NSG1: variants seen among roughly 807,000 people sequenced by gnomAD.
NSG1 encodes neuronal vesicle trafficking associated 1.
A neutral mutation model predicts 19.3 loss-of-function variants in NSG1; 9 were observed. That is an observed-to-expected ratio of 0.47 (90% CI 0.28 to 0.81). The LOEUF (loss-of-function observed/expected upper bound fraction) is 0.81, where lower values mean the gene tolerates loss of function less well. Among genes scored for constraint, NSG1 ranks in the 40% least tolerant of loss-of-function variants. NSG1 has a pLI of 0.11. For synonymous variants in NSG1, 104 were observed against 107.0 expected, an observed-to-expected ratio of 0.97 and a Z score of 0.17; for missense variants, 236 against 242.4, an observed-to-expected ratio of 0.97 and a Z score of 0.18.
At chr4:4,401,681 C>T (rs1230510659) in intron 3 of NSG1, among the ~76,000 whole-genome samples, 4 of 152,164 alleles carry the variant, frequency 2.6e-5, no homozygotes, top group African/African-American at 4.8e-5. Context: ...TGCTCAACCA[C>T]GTCAAAGCAC....
At chr4:4,395,516 T>C (rs1187230143) in intron 3 of NSG1, among the ~76,000 whole-genome samples, 2 of 152,168 alleles carry the variant, frequency 1.3e-5, no homozygotes. Flanking sequence ...TGTGTGAAGC[T>C]GCAGCTGGTT....
upstream of NSG1, chr4:4,387,082 CCG>C (rs1206072095): frequency 6.6e-6 from 1 of 151,842 alleles, no homozygotes; most frequent in African/African-American, 2.4e-5. Context: ...CTTCCCGGGT[CCG>C]CGCGCGGCGC....
At chr4:4,391,830 G>A (rs4689423) in intron 3 of NSG1, among the ~76,000 whole-genome samples, 100,664 of 152,124 alleles carry the variant, frequency 0.66, 33,599 homozygotes, top group Admixed American at 0.73. Flanking sequence ...TATAACAGGG[G>A]AAACCCACCC....
Position 4,387,714 on chromosome 4 carries a change from A to T in NSG1, c.85A>T (p.Thr29Ser). 1 of 1,613,096 alleles carries T rather than the reference A, an allele frequency of 6.2e-7. No homozygotes were observed. Among genetic ancestry groups the T allele is most frequent in the African/African-American group, 1.3e-5 (1 of 74,976 alleles). Residue 29 changes from threonine to serine, a missense_variant, in exon 2 of 5, where the codon ACG (threonine) becomes TCG (serine). Transcript: ENST00000621129. The stretch of plus-strand genomic sequence containing the variant: ...TGGCTTCGACACCATTCCCCTGATG[A>T]CGCCCCTCGATGTCAATCAGCTGCA... ...EDGFDTIPLM[T>S]PLDVNQLQFP... is the part of the protein sequence containing the mutation.
chr4:4,387,547 C>T, intron 1 of NSG1, 57 bp from the exon 2 acceptor site: 1 of 549,866 alleles, frequency 1.8e-6, no homozygotes. Flanking sequence ...GCCCACTTCC[C>T]CCCCGCCCCG....
chr4:4,403,107 C>G (rs922834215), intron 3 of NSG1, among the ~76,000 whole-genome samples: 3 of 152,148 alleles, frequency 2.0e-5, no homozygotes, highest in Non-Finnish European at 4.4e-5. Flanking sequence ...CTCACTCACT[C>G]ACTCACTCGC....
intron 4 of NSG1, among the ~76,000 whole-genome samples, chr4:4,415,144 T>C (rs1438676768): frequency 6.6e-6 from 1 of 152,050 alleles, no homozygotes; most frequent in Non-Finnish European, 1.5e-5. Flanking sequence ...TTGGGTTTGC[T>C]CAAGTGATCC....
At chr4:4,415,673 G>A (rs1256894529) in intron 4 of NSG1, 1 of 159,056 alleles carries the variant, frequency 6.3e-6, no homozygotes, top group Non-Finnish European at 1.4e-5. Context: ...GGCACCTGTA[G>A]GGCAGGGCCG....
In NSG1 at chr4:4,387,614, C is replaced by T; in HGVS notation, c.-16C>T. The T allele has an allele frequency of 1.9e-6, 3 of 1,607,228 alleles. No individual in the cohort carries two copies. Among genetic ancestry groups the T allele is most frequent in the Non-Finnish European group, 2.5e-6 (3 of 1,176,612 alleles). Reference sequence around the variant, plus strand: ...GCCCTCCCGCCGCAGGCTGCAGCCTCGGAGCTCCCGGAACGATGGTGAAGT... The same window carrying T: ...GCCCTCCCGCCGCAGGCTGCAGCCTTGGAGCTCCCGGAACGATGGTGAAGT... On this transcript the variant is annotated 5_prime_UTR_variant, in exon 2 of 5. Transcript: ENST00000621129.
chr4:4,394,873 G>A (rs920544541), intron 3 of NSG1, among the ~76,000 whole-genome samples: 1 of 152,184 alleles, frequency 6.6e-6, no homozygotes, highest in East Asian at 1.9e-4. Flanking sequence ...AGCCTCTCTC[G>A]GGGCCATGCT....
In NSG1 at chr4:4,418,121, T is replaced by G. The variant is rs1724685289; in HGVS notation, c.*686T>G. The G allele has an allele frequency of 6.5e-6, 1 of 154,524 alleles. No homozygotes were observed. The highest frequency in any genetic ancestry group is 1.4e-5 in the Non-Finnish European group (1 of 69,848). 9.6% of individuals were successfully genotyped at this position (154,524 alleles called of 1,614,324 possible). A position where few individuals can be genotyped will look rare whatever the true frequency, so the allele number is the denominator to read the frequency against. ...TGGAGACAGCTGGGGTTTGCTCCAGTGTGTGTAGACTGGCAGAGCATGTGA... is the reference window on the plus strand; with the variant it reads ...TGGAGACAGCTGGGGTTTGCTCCAGGGTGTGTAGACTGGCAGAGCATGTGA... On this transcript the variant is annotated 3_prime_UTR_variant, in exon 5 of 5. Transcript: ENST00000621129.
intron 3 of NSG1, among the ~76,000 whole-genome samples, chr4:4,401,000 A>G (rs907317236): frequency 6.6e-6 from 1 of 152,230 alleles, no homozygotes; most frequent in South Asian, 2.1e-4. Flanking sequence ...GAGGTCAATG[A>G]CACAAACCTG....
At chr4:4,402,292 A>G (rs73084369) in intron 3 of NSG1, among the ~76,000 whole-genome samples, 9,041 of 141,574 alleles carry the variant, frequency 0.064, 965 homozygotes, top group African/African-American at 0.23. Context: ...TATAACTTCT[A>G]TCTCCCGGGT....
intron 3 of NSG1, among the ~76,000 whole-genome samples, chr4:4,394,370 A>G (rs2108728379): frequency 6.6e-6 from 1 of 152,226 alleles, no homozygotes; most frequent in South Asian, 2.1e-4. Flanking sequence ...AAGCCTCCCC[A>G]GTGTACAGCT....
intron 3 of NSG1, among the ~76,000 whole-genome samples, chr4:4,396,492 C>T (rs56324286): frequency 0.059 from 9,041 of 152,272 alleles, 874 homozygotes; most frequent in African/African-American, 0.21. Context: ...CGGCTTTGCA[C>T]GGGAACACCT....
Position 4,397,506 on chromosome 4 carries a change from G to A in NSG1, c.246+5915G>A, listed in dbSNP as rs776493995. On this transcript the variant is annotated intron_variant, in intron 3 of 4. Coordinates refer to ENST00000621129, the MANE Select transcript of NSG1 (RefSeq NM_014392.5). Reference sequence around the variant, plus strand: ...CAACTCCCCTGTGGACCCTGAGCTGGGCAGTGGCCCCAGACCTGAGAGGGC... The same window carrying A: ...CAACTCCCCTGTGGACCCTGAGCTGAGCAGTGGCCCCAGACCTGAGAGGGC... Among the ~76,000 whole-genome samples the A allele has an allele frequency of 1.5e-3, 236 of 152,314 alleles. 3 individuals carry two copies. Among genetic ancestry groups the A allele is most frequent in the Non-Finnish European group, 3.2e-3 (215 of 68,026 alleles).
At chr4:4,402,534 T>C (rs947061519) in intron 3 of NSG1, among the ~76,000 whole-genome samples, 22 of 151,656 alleles carry the variant, frequency 1.5e-4, no homozygotes, top group East Asian at 1.4e-3. Context: ...ACTACAGGCG[T>C]CCGCCACTAC....
intron 3 of NSG1, among the ~76,000 whole-genome samples, chr4:4,394,138 C>A (rs1723129889): frequency 6.6e-6 from 1 of 152,220 alleles, no homozygotes; most frequent in South Asian, 2.1e-4. Flanking sequence ...GCAGCCTGCT[C>A]TTGGCTGTGG....
Position 4,417,674 on chromosome 4 carries a change from A to C in NSG1, c.*239A>C. ...CACCACTTTTCATGTTAAGATCTTC[A>C]TTTAGCTCCTTTACTGGGATTTATT... On this transcript the variant is annotated 3_prime_UTR_variant, in exon 5 of 5. Coordinates refer to ENST00000621129, the MANE Select transcript of NSG1 (RefSeq NM_014392.5). The C allele has an allele frequency of 1.9e-6, 1 of 534,736 alleles. No individual in the cohort carries two copies. The highest frequency in any genetic ancestry group is 3.3e-6 in the Non-Finnish European group (1 of 299,444). 33.1% of individuals were successfully genotyped at this position (534,736 alleles called of 1,614,324 possible). A position where few individuals can be genotyped will look rare whatever the true frequency, so the allele number is the denominator to read the frequency against.
Sources: allele counts gnomAD v4.1 joint callset (sites outside exome capture counted in the v4.1 genomes callset), GRCh38; gene constraint gnomAD v4.1.1; transcripts MANE v1.5; gene names NCBI Gene and HGNC (gene_info 2026-07-23, HGNC 2026-07-21).